ZFAND3: variants seen among roughly 807,000 people sequenced by gnomAD.
ZFAND3 encodes AN1-type zinc finger protein 3.
In ZFAND3, 10 loss-of-function variants were observed where a neutral mutation model predicts 29.6. The ratio of observed to expected loss-of-function variants is 0.34; its 90% CI spans 0.21 to 0.57. The LOEUF (loss-of-function observed/expected upper bound fraction) is 0.57, where lower values mean the gene tolerates loss of function less well. ZFAND3 is among the 20% of genes least tolerant of loss of function. The pLI is 0.86. For synonymous variants in ZFAND3, 128 were observed against 112.6 expected (o/e 1.14, Z -0.87); for missense variants, 230 against 304.5 (o/e 0.76, Z 1.82).
chr6:38,116,639 C>T lies in ZFAND3; in HGVS notation c.429C>T (p.Ser143=), dbSNP rs139734123. The T allele has an allele frequency of 3.8e-5, 61 of 1,614,124 alleles. No homozygotes were observed. The highest frequency in any genetic ancestry group is 4.8e-5 in the Non-Finnish European group (57 of 1,179,984). ...RPRLLENTER[S]EETSRSKQKS... is the part of the protein sequence containing the mutation. ...GACTACTTGAGAATACGGAACGGTCCGAGGAAACCAGTCGATCTAAACAGA... is the reference window on the plus strand; with the variant it reads ...GACTACTTGAGAATACGGAACGGTCTGAGGAAACCAGTCGATCTAAACAGA... Residue 143 remains serine, a synonymous_variant, in exon 5 of 6, where the codon TCC becomes TCT. Transcript: ENST00000287218.
At chr6:37,877,088 T>G (rs1764807947) in intron 1 of ZFAND3, among the ~76,000 whole-genome samples, 1 of 152,212 alleles carries the variant, frequency 6.6e-6, no homozygotes, top group Admixed American at 6.5e-5. Flanking sequence ...GTATAGGTCT[T>G]TAATTACACA....
intron 2 of ZFAND3, among the ~76,000 whole-genome samples, chr6:37,936,988 TAAC>T (rs36056047): frequency 0.025 from 3,826 of 152,316 alleles, 73 homozygotes; most frequent in Middle Eastern, 0.041. Context: ...CAGAAGAGGA[TAAC>T]AAATTCCCAT....
intron 1 of ZFAND3, among the ~76,000 whole-genome samples, chr6:37,891,741 G>A (rs1434951996): frequency 6.6e-6 from 1 of 151,720 alleles, no homozygotes; most frequent in Non-Finnish European, 1.5e-5. Context: ...CTTTTTTGTT[G>A]TTGTTGAGAC....
chr6:38,027,239 T>C (rs1581850472), intron 2 of ZFAND3, among the ~76,000 whole-genome samples: 1 of 152,368 alleles, frequency 6.6e-6, no homozygotes, highest in Non-Finnish European at 1.5e-5. Flanking sequence ...TCTTGCTTTT[T>C]AAAATATTTC....
At chr6:38,100,820 T>C (rs993425560) in intron 4 of ZFAND3, among the ~76,000 whole-genome samples, 7 of 152,264 alleles carry the variant, frequency 4.6e-5, no homozygotes, top group African/African-American at 1.7e-4. Context: ...CTTTTCCTAA[T>C]GTTAACATTT....
chr6:38,034,108 A>C (rs1012964848), intron 2 of ZFAND3, among the ~76,000 whole-genome samples: 8 of 152,172 alleles, frequency 5.3e-5, no homozygotes, highest in Non-Finnish European at 1.2e-4. Context: ...TGATTTCCTC[A>C]GCTTTTTAAG....
At chr6:38,092,434 T>C (rs890680497) in intron 4 of ZFAND3, among the ~76,000 whole-genome samples, 9 of 152,258 alleles carry the variant, frequency 5.9e-5, no homozygotes, top group African/African-American at 2.2e-4. Flanking sequence ...ATGTAACTTA[T>C]GTTTATTTCA....
chr6:37,877,038 C>T (rs972038448), intron 1 of ZFAND3, among the ~76,000 whole-genome samples: 4 of 152,088 alleles, frequency 2.6e-5, no homozygotes, highest in African/African-American at 9.7e-5. Flanking sequence ...TGTATTTATG[C>T]AAGTACTTTA....
intron 1 of ZFAND3, among the ~76,000 whole-genome samples, chr6:37,830,370 T>C (rs1436398688): frequency 6.6e-6 from 1 of 152,234 alleles, no homozygotes. Context: ...TGGTCTCATC[T>C]GTAAGGCTAG....
chr6:37,861,141 A>G (rs1320462594), intron 1 of ZFAND3, among the ~76,000 whole-genome samples: 1 of 151,976 alleles, frequency 6.6e-6, no homozygotes, highest in Non-Finnish European at 1.5e-5. Context: ...CTTATAATCT[A>G]AGCTACTTGG....
At chr6:37,821,384 G>C (rs1346582148) in intron 1 of ZFAND3, among the ~76,000 whole-genome samples, 1 of 152,186 alleles carries the variant, frequency 6.6e-6, no homozygotes, top group Non-Finnish European at 1.5e-5. Flanking sequence ...AATATTTCTA[G>C]TCTTCCCTTC....
At chr6:38,087,077 A>G (rs530831859) in intron 4 of ZFAND3, among the ~76,000 whole-genome samples, 12 of 152,222 alleles carry the variant, frequency 7.9e-5, no homozygotes, top group Non-Finnish European at 1.6e-4. Flanking sequence ...TGCCAAGAAC[A>G]TATACTAGAG....
At chr6:37,997,867 G>T (rs1762878121) in intron 2 of ZFAND3, among the ~76,000 whole-genome samples, 1 of 152,142 alleles carries the variant, frequency 6.6e-6, no homozygotes, top group Non-Finnish European at 1.5e-5. Context: ...AGGATTATTG[G>T]GCAGATGCAC....
intron 2 of ZFAND3, among the ~76,000 whole-genome samples, chr6:38,050,120 G>A (rs974416514): frequency 3.3e-5 from 5 of 151,256 alleles, no homozygotes; most frequent in Non-Finnish European, 7.4e-5. Context: ...ACGCCTGGCT[G>A]ATTTTTGTAT....
At chr6:37,887,470 T>C (rs1190737957) in intron 1 of ZFAND3, among the ~76,000 whole-genome samples, 1 of 152,158 alleles carries the variant, frequency 6.6e-6, no homozygotes, top group Non-Finnish European at 1.5e-5. Flanking sequence ...ATGAGGAAAG[T>C]CATAATCAAA....
At chr6:37,874,514 CAAAAAAA>C (rs11447694) in intron 1 of ZFAND3, among the ~76,000 whole-genome samples, 61 of 79,776 alleles carry the variant, frequency 7.6e-4, no homozygotes, top group Middle Eastern at 6.8e-3. Context: ...AACTCCGTCT[CAAAAAAA>C]AAAAAAAAAA....
chr6:37,942,399 T>G (rs1053641346), intron 2 of ZFAND3, among the ~76,000 whole-genome samples: 4 of 152,164 alleles, frequency 2.6e-5, no homozygotes, highest in Non-Finnish European at 4.4e-5. Context: ...CATGATCATT[T>G]GAGACATGTT....
intron 1 of ZFAND3, among the ~76,000 whole-genome samples, chr6:37,916,892 T>TATA (rs1761267024): frequency 6.6e-6 from 1 of 152,224 alleles, no homozygotes; most frequent in South Asian, 2.1e-4. Context: ...CCTTCTCCAG[T>TATA]ATAACCACAC....
chr6:38,019,583 G>GT lies in ZFAND3; in HGVS notation c.113-42003dup, dbSNP rs746876934. Among the ~76,000 whole-genome samples, 229 of 152,118 alleles carry GT rather than the reference G, an allele frequency of 1.5e-3. 1 individual carries two copies. Among genetic ancestry groups the GT allele is most frequent in the Non-Finnish European group, 2.8e-3 (191 of 67,980 alleles). On this transcript the variant is annotated intron_variant, in intron 2 of 5. Transcript: ENST00000287218. ...AGTCTTTACTTTTATGGCTTCTGGG[G>GT]TTTTTTTGGGTCATTCTGAAGGTTG...
Sources: allele counts gnomAD v4.1 joint callset (sites outside exome capture counted in the v4.1 genomes callset), GRCh38; gene constraint gnomAD v4.1.1; transcripts MANE v1.5; gene names NCBI Gene and HGNC (gene_info 2026-07-23, HGNC 2026-07-21).